PSMB2: variants seen among roughly 807,000 people sequenced by gnomAD.
The protein encoded by PSMB2 is proteasome subunit beta type-2.
Under a neutral mutation model 25.7 loss-of-function variants are expected in PSMB2, and 13 were observed. That is an observed-to-expected ratio of 0.51 (90% CI 0.33 to 0.80). The LOEUF (loss-of-function observed/expected upper bound fraction) is 0.80. Among genes scored for constraint, PSMB2 ranks in the 30% least tolerant of loss-of-function variants. The pLI, the probability that PSMB2 is intolerant of heterozygous loss-of-function variation, is 0.02. For missense variants in PSMB2, 202 were observed against 259.0 expected (o/e 0.78, Z 1.51); for synonymous variants, 87 against 96.2 (o/e 0.90, Z 0.56).
rs751278801 is a variant in PSMB2 at position 35,641,479 on chromosome 1, G to A, written c.-47C>T. 5 of 1,612,228 alleles carry A rather than the reference G, an allele frequency of 3.1e-6. No homozygotes were observed. Among genetic ancestry groups the A allele is most frequent in the Non-Finnish European group, 4.2e-6 (5 of 1,179,192 alleles). ...GCAGGTCCGACACAGCACGAGACTC[G>A]CCCGCTTCCAGGTCTCACCGGTGAG... On this transcript the variant is annotated 5_prime_UTR_variant, in exon 1 of 6. Coordinates refer to ENST00000373237, the MANE Select transcript of PSMB2 (RefSeq NM_002794.5).
At chr1:35,628,617 ATATATATATATATATTTT>A (rs1650977363) in intron 3 of PSMB2, among the ~76,000 whole-genome samples, 1 of 49,502 alleles carries the variant, frequency 2.0e-5, no homozygotes, top group Non-Finnish European at 3.5e-5. Flanking sequence ...ATATATATAT[ATATATATATATATATTTT>A]TTTTTTTTTT....
chr1:35,624,881 T>A (rs1650805424), intron 3 of PSMB2, among the ~76,000 whole-genome samples: 1 of 151,918 alleles, frequency 6.6e-6, no homozygotes, highest in Non-Finnish European at 1.5e-5. Context: ...GCTAACACGA[T>A]GAAACCCCGT....
chr1:35,639,368 C>T (rs139694713), intron 1 of PSMB2, among the ~76,000 whole-genome samples: 1 of 152,316 alleles, frequency 6.6e-6, no homozygotes, highest in African/African-American at 2.4e-5. Context: ...CAGAGTGCAA[C>T]TATTTCCAAT....
chr1:35,636,950 T>C (rs1205561873), intron 1 of PSMB2, among the ~76,000 whole-genome samples: 2 of 152,236 alleles, frequency 1.3e-5, no homozygotes, highest in African/African-American at 4.8e-5. Flanking sequence ...TCACTCTTCA[T>C]GTTAAACCAT....
At chr1:35,628,150 A>G (rs1025783430) in intron 3 of PSMB2, among the ~76,000 whole-genome samples, 5 of 152,186 alleles carry the variant, frequency 3.3e-5, no homozygotes, top group Non-Finnish European at 7.3e-5. Flanking sequence ...TATTTTGATA[A>G]GGAGATGGGG....
intron 3 of PSMB2, among the ~76,000 whole-genome samples, chr1:35,615,546 A>G (rs1650469392): frequency 6.6e-6 from 1 of 152,248 alleles, no homozygotes; most frequent in Non-Finnish European, 1.5e-5. Context: ...GTTGTGATAA[A>G]TACACTGAAA....
chr1:35,607,744 C>T (rs1339701118), intron 4 of PSMB2, among the ~76,000 whole-genome samples: 1 of 152,090 alleles, frequency 6.6e-6, no homozygotes, highest in African/African-American at 2.4e-5. Context: ...AAATATTGCA[C>T]CCCAGTGTTT....
chr1:35,635,557 G>A lies in PSMB2; in HGVS notation c.214+753C>T, dbSNP rs183521528. Reference sequence around the variant, plus strand: ...ACTCTAATGAAAATATGGGCTGGGCGTGGTGGCTCACGCCTGTAATCCCAG... The same window carrying A: ...ACTCTAATGAAAATATGGGCTGGGCATGGTGGCTCACGCCTGTAATCCCAG... On this transcript the variant is annotated intron_variant, in intron 2 of 5. Coordinates refer to ENST00000373237, the MANE Select transcript of PSMB2 (RefSeq NM_002794.5). Among the ~76,000 whole-genome samples, 332 of 152,186 alleles carry A rather than the reference G, an allele frequency of 2.2e-3. 6 individuals carry two copies. In the South Asian group the frequency reaches 0.034, roughly 16 times the overall value.
intron 1 of PSMB2, among the ~76,000 whole-genome samples, chr1:35,637,954 C>T (rs1246294262): frequency 2.0e-5 from 3 of 152,258 alleles, no homozygotes; most frequent in South Asian, 4.2e-4. Flanking sequence ...CCTTCTTTTG[C>T]TTGTTGGTTT....
Position 35,602,739 on chromosome 1 carries a change from G to A in PSMB2, c.*528C>T, listed in dbSNP as rs146582115. The A allele has an allele frequency of 4.1e-5, 10 of 246,626 alleles. No individual in the cohort carries two copies. The highest frequency in any genetic ancestry group is 1.4e-4 in the African/African-American group (6 of 43,182). The allele number at this position is 246,626 out of a possible 1,614,324, so 15.3% of individuals were successfully genotyped here. A position where few individuals can be genotyped will look rare whatever the true frequency, so the allele number is the denominator to read the frequency against. ...TCTCGCTCTCTTGACCTCGTGATCC[G>A]CCCGCCTCGGCCTCCCAAAGTGCTG... On this transcript the variant is annotated 3_prime_UTR_variant, in exon 6 of 6. Coordinates refer to ENST00000373237, the MANE Select transcript of PSMB2 (RefSeq NM_002794.5).
chr1:35,600,119 G>A lies in PSMB2; in HGVS notation c.*3148C>T. 14 of 926,476 alleles carry A rather than the reference G, an allele frequency of 1.5e-5. No homozygotes were observed. Among genetic ancestry groups the A allele is most frequent in the Admixed American group, 6.2e-5 (1 of 16,210 alleles). 57.4% of individuals were successfully genotyped at this position (926,476 alleles called of 1,614,324 possible). A position where few individuals can be genotyped will look rare whatever the true frequency, so the allele number is the denominator to read the frequency against. ...GATCGTGCCACTGTACTCCAGCCTA[G>A]GTGATGGAGCAAGACCCTGTCTCTG... On this transcript the variant is annotated 3_prime_UTR_variant, in exon 6 of 6. Transcript: ENST00000373237.
At chr1:35,613,802 A>C (rs905540654) in intron 3 of PSMB2, among the ~76,000 whole-genome samples, 2 of 152,228 alleles carry the variant, frequency 1.3e-5, no homozygotes, top group Admixed American at 6.5e-5. Context: ...TTAGTCATTT[A>C]ATCTCTCTGA....
At position 35,641,470 on chromosome 1, in the gene PSMB2, A is replaced by G. The variant is rs1651394445; in HGVS notation, c.-38T>C. 6.2e-7 allele frequency: 1 copy of G among 1,613,470 alleles called. No individual in the cohort carries two copies. The highest frequency in any genetic ancestry group is 8.5e-7 in the Non-Finnish European group (1 of 1,179,718). On this transcript the variant is annotated 5_prime_UTR_variant, in exon 1 of 6. Coordinates refer to ENST00000373237, the MANE Select transcript of PSMB2 (RefSeq NM_002794.5). ...CCAGGGGCTGCAGGTCCGACACAGC[A>G]CGAGACTCGCCCGCTTCCAGGTCTC...
At chr1:35,611,820 C>T (rs913521037) in intron 3 of PSMB2, among the ~76,000 whole-genome samples, 6 of 149,576 alleles carry the variant, frequency 4.0e-5, no homozygotes, top group Admixed American at 2.0e-4. Flanking sequence ...GAGCAAGACT[C>T]TATCTCCAAA....
intron 4 of PSMB2, among the ~76,000 whole-genome samples, chr1:35,606,672 A>G (rs1650180653): frequency 6.6e-6 from 1 of 152,168 alleles, no homozygotes; most frequent in South Asian, 2.1e-4. Context: ...TGCCAATGAC[A>G]TGCCTCACAG....
At chr1:35,638,139 C>A (rs78656484) in intron 1 of PSMB2, among the ~76,000 whole-genome samples, 1 of 152,050 alleles carries the variant, frequency 6.6e-6, no homozygotes, top group Non-Finnish European at 1.5e-5. Context: ...GTAACCTGTT[C>A]AACTTTAAAA....
intron 3 of PSMB2, among the ~76,000 whole-genome samples, chr1:35,620,999 A>AAAAT (rs946200134): frequency 1.1e-4 from 16 of 151,828 alleles, no homozygotes; most frequent in Non-Finnish European, 1.8e-4. Flanking sequence ...TATGTAGTAT[A>AAAAT]AAATAAATAA....
chr1:35,619,974 G>A lies in PSMB2; in HGVS notation c.286-10566C>T, dbSNP rs149052377. Among the ~76,000 whole-genome samples the A allele has an allele frequency of 1.8e-4, 27 of 151,954 alleles. No individual in the cohort carries two copies. In the East Asian group the frequency reaches 5.0e-3, roughly 28 times the overall value. ...CACTTGAATTCTTTTTTTTTCATGA[G>A]CTGGCAGATTCTAGGAAAATTTAAG... On this transcript the variant is annotated intron_variant, in intron 3 of 5. Coordinates refer to ENST00000373237, the MANE Select transcript of PSMB2 (RefSeq NM_002794.5).
intron 1 of PSMB2, among the ~76,000 whole-genome samples, chr1:35,636,747 G>A (rs769304437): frequency 7.2e-5 from 11 of 152,136 alleles, no homozygotes; most frequent in Non-Finnish European, 1.5e-4. Flanking sequence ...GAAGTACACA[G>A]GAGTACCTGC....
Sources: allele counts gnomAD v4.1 joint callset (sites outside exome capture counted in the v4.1 genomes callset), GRCh38; gene constraint gnomAD v4.1.1; transcripts MANE v1.5; gene names NCBI Gene and HGNC (gene_info 2026-07-23, HGNC 2026-07-21).